FHIT: variants seen among roughly 807,000 people sequenced by gnomAD.
FHIT encodes the protein fragile histidine triad diadenosine triphosphatase.
Under a neutral mutation model 17.9 loss-of-function variants are expected in FHIT, and 19 were observed. The observed-to-expected ratio is 1.06, with a 90% confidence interval of 0.74 to 1.56. The LOEUF is 1.56. FHIT is among the 40% of genes most tolerant of loss of function. FHIT has a pLI of 0.00. For missense variants in FHIT, 248 were observed against 189.2 expected (o/e 1.31, Z -1.82); for synonymous variants, 81 against 69.7 (o/e 1.16, Z -0.81).
intron 5 of FHIT, among the ~76,000 whole-genome samples, chr3:60,162,806 A>G (rs1029241199): frequency 6.6e-6 from 1 of 152,178 alleles, no homozygotes; most frequent in Admixed American, 6.5e-5. Flanking sequence ...TCACAAGTAC[A>G]TCATTCCCCT....
intron 4 of FHIT, among the ~76,000 whole-genome samples, chr3:60,677,584 T>G (rs1235896832): frequency 6.6e-6 from 1 of 152,146 alleles, no homozygotes; most frequent in African/African-American, 2.4e-5. Context: ...TGTGTATATG[T>G]ATATACATGT....
chr3:60,492,836 A>G (rs952820404), intron 5 of FHIT, among the ~76,000 whole-genome samples: 1 of 152,142 alleles, frequency 6.6e-6, no homozygotes, highest in South Asian at 2.1e-4. Context: ...AGTAAAAGCC[A>G]TGTGCACAAA....
At chr3:60,860,844 A>T (rs201132571) in intron 3 of FHIT, among the ~76,000 whole-genome samples, 1,180 of 2,776 alleles carry the variant, frequency 0.43, 505 homozygotes, top group South Asian at 0.85. Context: ...TACATATATC[A>T]GGTATATATG....
intron 3 of FHIT, among the ~76,000 whole-genome samples, chr3:60,938,712 T>C (rs558682010): frequency 8.5e-5 from 13 of 152,332 alleles, no homozygotes; most frequent in African/African-American, 2.6e-4. Context: ...TGCAGCTCTC[T>C]ACATCCATTG....
intron 3 of FHIT, among the ~76,000 whole-genome samples, chr3:60,989,494 A>G (rs1450039660): frequency 6.6e-6 from 1 of 152,166 alleles, no homozygotes; most frequent in Admixed American, 6.5e-5. Flanking sequence ...TTAGGATTCA[A>G]TGTATATCTT....
At position 59,922,405 on chromosome 3, in the gene FHIT, C is replaced by A. The variant is rs139666727; in HGVS notation, c.289G>T (p.Val97Phe). The change falls in exon 8 of 10, where the codon GTC becomes TTC. Residue 97 changes from valine (V) to phenylalanine (F), a missense_variant. Physicochemically the swap from Val to Phe is conservative, Grantham distance 50. Transcript: ENST00000492590. ...EAGQTVKHVH[V>F]HVLPRKAGDF... ...CCAGCCTTCCTGGGAAGAACATGGACGTGAACGTGCTGAAAATGTACAAGA... is the reference window on the plus strand; with the variant it reads ...CCAGCCTTCCTGGGAAGAACATGGAAGTGAACGTGCTGAAAATGTACAAGA... 10 of 1,613,240 alleles carry A rather than the reference C, an allele frequency of 6.2e-6. No individual in the cohort carries two copies. The African/African-American group carries it at 1.3e-4, about 22-fold the overall frequency.
At chr3:60,080,117 T>G (rs773646240) in intron 5 of FHIT, among the ~76,000 whole-genome samples, 5 of 152,184 alleles carry the variant, frequency 3.3e-5, no homozygotes, top group Non-Finnish European at 5.9e-5. Context: ...ACAGTCAAAA[T>G]GTGGATACAG....
intron 7 of FHIT, among the ~76,000 whole-genome samples, chr3:59,960,733 C>T (rs1281381331): frequency 6.6e-6 from 1 of 152,338 alleles, no homozygotes; most frequent in Non-Finnish European, 1.5e-5. Context: ...CTTTCTTCCT[C>T]TTGCGTTTCA....
chr3:60,337,324 T>C (rs1355905250), intron 5 of FHIT, among the ~76,000 whole-genome samples: 1 of 152,152 alleles, frequency 6.6e-6, no homozygotes, highest in Non-Finnish European at 1.5e-5. Context: ...AAAGCCTGCT[T>C]CTGGAATCTG....
At chr3:60,445,466 A>G (rs536409946) in intron 5 of FHIT, among the ~76,000 whole-genome samples, 1 of 144,198 alleles carries the variant, frequency 6.9e-6, no homozygotes, top group African/African-American at 2.9e-5. Context: ...ACTTTTATAA[A>G]AAGAAGAAGA....
intron 2 of FHIT, among the ~76,000 whole-genome samples, chr3:61,140,015 G>C (rs1465464208): frequency 6.2e-5 from 8 of 129,066 alleles, no homozygotes; most frequent in Admixed American, 5.0e-4. Context: ...GTCCATGCAA[G>C]AGAAAGCAAA....
At chr3:61,180,254 G>T (rs1285304318) in intron 2 of FHIT, among the ~76,000 whole-genome samples, 2 of 152,164 alleles carry the variant, frequency 1.3e-5, no homozygotes, top group African/African-American at 4.8e-5. Flanking sequence ...ATGTTTGCTG[G>T]GATGTAAGCC....
At chr3:59,978,494 A>G (rs2107418934) in intron 7 of FHIT, among the ~76,000 whole-genome samples, 1 of 151,896 alleles carries the variant, frequency 6.6e-6, no homozygotes, top group East Asian at 2.0e-4. Flanking sequence ...CTTACTATAA[A>G]TATTAGAGGC....
At chr3:59,983,079 G>C (rs541749294) in intron 7 of FHIT, among the ~76,000 whole-genome samples, 3 of 151,878 alleles carry the variant, frequency 2.0e-5, no homozygotes, top group East Asian at 2.0e-4. Context: ...GCTGGGACTA[G>C]AGGCATGTGC....
In FHIT at chr3:60,506,114, C is replaced by T. The variant is rs551083519; in HGVS notation, c.103+30746G>A. On this transcript the variant is annotated intron_variant, in intron 5 of 9. Transcript: ENST00000492590. The stretch of plus-strand genomic sequence containing the variant: ...AAATGTGAAAATTTAATAGTCTTTT[C>T]CCATGATTTCTCACAGACAATATAA... Among the ~76,000 whole-genome samples, 3 of 152,244 alleles carry T rather than the reference C, an allele frequency of 2.0e-5. No homozygotes were observed. In the East Asian group the frequency reaches 5.8e-4, roughly 29 times the overall value.
At chr3:60,434,621 A>C (rs561765905) in intron 5 of FHIT, among the ~76,000 whole-genome samples, 32 of 152,216 alleles carry the variant, frequency 2.1e-4, no homozygotes, top group African/African-American at 6.0e-4. Flanking sequence ...TTTAATAACA[A>C]ATTCAAACTG....
At chr3:59,808,189 C>T (rs1180777030) in intron 8 of FHIT, among the ~76,000 whole-genome samples, 1 of 152,050 alleles carries the variant, frequency 6.6e-6, no homozygotes, top group Non-Finnish European at 1.5e-5. Flanking sequence ...CAATATGTGG[C>T]CTTTAGTGTC....
intron 4 of FHIT, among the ~76,000 whole-genome samples, chr3:60,782,219 TTGTGTGTGTG>T (rs538033687): frequency 8.3e-5 from 12 of 144,154 alleles, no homozygotes; most frequent in Non-Finnish European, 1.5e-4. Context: ...GAATATTTCA[TTGTGTGTGTG>T]TGTGTGTGTA....
At chr3:59,975,870 A>G (rs942782423) in intron 7 of FHIT, among the ~76,000 whole-genome samples, 8 of 111,260 alleles carry the variant, frequency 7.2e-5, no homozygotes, top group Admixed American at 2.0e-4. Flanking sequence ...AATCCAACCT[A>G]CATGACCTAG....
Sources: gnomAD v4.1 joint callset for allele counts (sites outside exome capture counted in the v4.1 genomes callset) on GRCh38, gnomAD v4.1.1 for gene constraint, MANE v1.5 for transcripts, NCBI Gene and HGNC (gene_info 2026-07-23, HGNC 2026-07-21) for gene names.